ABLIM1: variants seen among roughly 807,000 people sequenced by gnomAD.
ABLIM1 encodes actin binding LIM protein 1.
Under a neutral mutation model 107.0 loss-of-function variants are expected in ABLIM1, and 40 were observed. The observed-to-expected ratio is 0.37, with a 90% confidence interval of 0.29 to 0.49. The LOEUF (loss-of-function observed/expected upper bound fraction) is 0.49, where lower values mean the gene tolerates loss of function less well. Ranked by LOEUF, ABLIM1 falls within the 20% of genes least tolerant of loss-of-function variation. The pLI, the probability that ABLIM1 is intolerant of heterozygous loss-of-function variation, is 0.97. For missense variants in ABLIM1, 857 were observed against 1,008.5 expected, an observed-to-expected ratio of 0.85 and a Z score of 2.04; for synonymous variants, 357 against 357.3, an observed-to-expected ratio of 1.00 and a Z score of 0.01.
At chr10:114,725,599 G>A (rs1371907252) in intron 1 of ABLIM1, among the ~76,000 whole-genome samples, 2 of 152,092 alleles carry the variant, frequency 1.3e-5, no homozygotes, top group Non-Finnish European at 2.9e-5. Context: ...AGATGCACTG[G>A]GAGTTAGGAA....
At position 114,487,996 on chromosome 10, in the gene ABLIM1, C is replaced by T. The variant is rs534634363; in HGVS notation, c.1003G>A (p.Asp335Asn). 16 of 1,614,104 alleles carry T rather than the reference C, an allele frequency of 9.9e-6. No homozygotes were observed. The highest frequency in any genetic ancestry group is 1.6e-4 in the Middle Eastern group (1 of 6,062). The part of the protein sequence containing the change: ...YLQGSTVWHP[D>N]CKQSTKTEEK... ...TCGGTCTTCGTAGATTGCTTACAGT[C>T]GGGATGCCAAACGGTGGAGCCTGAG... Residue 335 changes from aspartate to asparagine, a missense_variant, in exon 8 of 23, where the codon GAC (aspartate) becomes AAC (asparagine). Asp to Asn is a conservative substitution (Grantham distance 23). Coordinates refer to ENST00000533213, the MANE Select transcript of ABLIM1 (RefSeq NM_002313.7).
At chr10:114,630,774 G>A (rs1468153884) in intron 1 of ABLIM1, among the ~76,000 whole-genome samples, 1 of 152,222 alleles carries the variant, frequency 6.6e-6, no homozygotes, top group East Asian at 1.9e-4. Context: ...TGTTTGGGGA[G>A]GAAAGAATGT....
At chr10:114,525,095 T>C (rs2064457608) in intron 6 of ABLIM1, among the ~76,000 whole-genome samples, 1 of 152,214 alleles carries the variant, frequency 6.6e-6, no homozygotes. Flanking sequence ...TATCTCTGGT[T>C]CTCACAGCTG....
chr10:114,626,362 G>C (rs2140553199), intron 1 of ABLIM1, among the ~76,000 whole-genome samples: 1 of 152,294 alleles, frequency 6.6e-6, no homozygotes, highest in South Asian at 2.1e-4. Flanking sequence ...TTATTCCAAA[G>C]GGAAAGCAAG....
chr10:114,734,874 G>A (rs974282531), intron 1 of ABLIM1, among the ~76,000 whole-genome samples: 2 of 152,042 alleles, frequency 1.3e-5, no homozygotes, highest in African/African-American at 4.8e-5. Flanking sequence ...GTAAACATAC[G>A]CAAAATAGGC....
At chr10:114,441,184 A>T in intron 18 of ABLIM1, 107 bp from the exon 19 acceptor site, 1 of 1,216,010 alleles carries the variant, frequency 8.2e-7, no homozygotes, top group Non-Finnish European at 1.1e-6. Context: ...TTCCCAAGCT[A>T]AATGTCAGAC....
At chr10:114,513,081 C>T (rs1213042695) in intron 6 of ABLIM1, among the ~76,000 whole-genome samples, 1 of 152,154 alleles carries the variant, frequency 6.6e-6, no homozygotes, top group East Asian at 1.9e-4. Flanking sequence ...CCCCAGCAAA[C>T]CAAACCAAAC....
At chr10:114,754,632 GT>G (rs1235264630) in intron 1 of ABLIM1, among the ~76,000 whole-genome samples, 1 of 152,210 alleles carries the variant, frequency 6.6e-6, no homozygotes, top group African/African-American at 2.4e-5. Context: ...AGGCTCTGAT[GT>G]AATCAAAGGA....
At chr10:114,465,866 C>A in intron 11 of ABLIM1, 39 bp from the exon 12 acceptor site, 1 of 1,608,260 alleles carries the variant, frequency 6.2e-7, no homozygotes, top group East Asian at 2.2e-5. Context: ...TATCACCATG[C>A]CTCAGTAGGA....
At chr10:114,662,659 T>A (rs1166167203), upstream of ABLIM1, among the ~76,000 whole-genome samples, 2 of 152,198 alleles carry the variant, frequency 1.3e-5, no homozygotes, top group Non-Finnish European at 2.9e-5. Context: ...TCTCTTCCCG[T>A]AATGCCACTT....
At chr10:114,598,438 A>G (rs2075669193) in intron 2 of ABLIM1, among the ~76,000 whole-genome samples, 1 of 151,940 alleles carries the variant, frequency 6.6e-6, no homozygotes, top group East Asian at 1.9e-4. Context: ...AAATACAAAA[A>G]TTAGCTGGGT....
At chr10:114,526,566 C>T (rs1287440099) in intron 6 of ABLIM1, 11 of 928,570 alleles carry the variant, frequency 1.2e-5, no homozygotes, top group Non-Finnish European at 1.3e-5. Context: ...TTGGAGGATC[C>T]GAGCGGCCTC....
intron 1 of ABLIM1, among the ~76,000 whole-genome samples, chr10:114,737,627 T>C (rs550360099): frequency 6.6e-6 from 1 of 152,318 alleles, no homozygotes; most frequent in South Asian, 2.1e-4. Context: ...CTAAATTTTT[T>C]TCAAGAATTT....
chr10:114,740,240 A>G (rs993467831), intron 1 of ABLIM1, among the ~76,000 whole-genome samples: 18 of 151,982 alleles, frequency 1.2e-4, no homozygotes, highest in Non-Finnish European at 1.0e-4. Context: ...GAGGACCCAT[A>G]TTTGTTAATT....
At chr10:114,468,403 T>C (rs1276084114) in intron 10 of ABLIM1, 187 bp from the exon 11 acceptor site, 2 of 512,772 alleles carry the variant, frequency 3.9e-6, no homozygotes, top group African/African-American at 5.1e-5. Flanking sequence ...GCCTCCCAAG[T>C]AGCTGGGACT....
upstream of ABLIM1, among the ~76,000 whole-genome samples, chr10:114,768,932 A>C (rs1434357073): frequency 6.6e-6 from 1 of 152,112 alleles, no homozygotes; most frequent in East Asian, 1.9e-4. Context: ...CTAGCGCTTG[A>C]TGCTAATAAG....
At chr10:114,620,295 G>A (rs1013841297) in intron 1 of ABLIM1, among the ~76,000 whole-genome samples, 6 of 152,174 alleles carry the variant, frequency 3.9e-5, no homozygotes, top group Admixed American at 3.9e-4. Flanking sequence ...GTCTTGCTGT[G>A]TAAAAGTGTG....
chr10:114,739,991 C>T (rs1447587703), intron 1 of ABLIM1, among the ~76,000 whole-genome samples: 4 of 152,006 alleles, frequency 2.6e-5, no homozygotes, highest in Non-Finnish European at 5.9e-5. Context: ...TCAGCAAGAA[C>T]AGAGATAGCC....
intron 12 of ABLIM1, among the ~76,000 whole-genome samples, chr10:114,461,266 C>T (rs916722331): frequency 6.6e-6 from 1 of 151,642 alleles, no homozygotes; most frequent in Non-Finnish European, 1.5e-5. Flanking sequence ...GGGGTTTCGC[C>T]ATGTTGCCCA....
Sources: allele counts gnomAD v4.1 joint callset (sites outside exome capture counted in the v4.1 genomes callset), GRCh38; gene constraint gnomAD v4.1.1; transcripts MANE v1.5; gene names NCBI Gene and HGNC (gene_info 2026-07-23, HGNC 2026-07-21).